ARHGAP31: variants seen among roughly 807,000 people sequenced by gnomAD.
ARHGAP31 encodes the protein Rho GTPase activating protein 31.
A neutral mutation model predicts 113.9 loss-of-function variants in ARHGAP31; 34 were observed. That is an observed-to-expected ratio of 0.30 (90% confidence interval 0.23 to 0.40). The LOEUF (loss-of-function observed/expected upper bound fraction) is 0.40. ARHGAP31 is among the 10% of genes least tolerant of loss of function. ARHGAP31 has a pLI of 1.00. For synonymous variants in ARHGAP31, 650 were observed against 684.8 expected (o/e 0.95, Z 0.79); for missense variants, 1,548 against 1,767.1 (o/e 0.88, Z 2.22).
intron 1 of ARHGAP31, among the ~76,000 whole-genome samples, chr3:119,355,066 A>G (rs2080143741): frequency 6.6e-6 from 1 of 151,960 alleles, no homozygotes; most frequent in Non-Finnish European, 1.5e-5. Flanking sequence ...CCTGTTGGGG[A>G]GTGTTTGAAC....
In ARHGAP31 at chr3:119,413,988, G is replaced by C. The variant is rs375062249; in HGVS notation, c.2059G>C (p.Glu687Gln). The change falls in exon 12 of 12, where the codon GAG (glutamate) becomes CAG (glutamine). Residue 687 changes from glutamate (E) to glutamine (Q), a missense_variant. Physicochemically the swap from Glu to Gln is conservative, Grantham distance 29. Coordinates refer to ENST00000264245, the MANE Select transcript of ARHGAP31 (RefSeq NM_020754.4). ...GACCAGCCCAATTCAGCCTATTCTC[G>C]AGTCGAGTCTGGGGCCCTTTATTCC... ...LKTSPIQPIL[E>Q]SSLGPFIPSE... 2.5e-6 allele frequency: 4 copies of C among 1,614,142 alleles called. No individual in the cohort carries two copies. Among genetic ancestry groups the C allele is most frequent in the Middle Eastern group, 1.7e-4 (1 of 6,060 alleles).
intron 1 of ARHGAP31, among the ~76,000 whole-genome samples, chr3:119,355,459 G>A (rs1375966947): frequency 6.7e-6 from 1 of 149,808 alleles, no homozygotes; most frequent in South Asian, 2.1e-4. Context: ...CATTTTGAGT[G>A]CTTCTGTTTT....
At chr3:119,306,654 G>A (rs1419914596) in intron 1 of ARHGAP31, among the ~76,000 whole-genome samples, 1 of 152,186 alleles carries the variant, frequency 6.6e-6, no homozygotes. Context: ...TAGTTTATAG[G>A]GCAGCAAGCT....
chr3:119,322,736 C>G (rs1021412766), intron 1 of ARHGAP31: 8 of 153,132 alleles, frequency 5.2e-5, no homozygotes, highest in African/African-American at 1.9e-4. Flanking sequence ...CGCTTCCCCT[C>G]GAGCGCCCCT....
At chr3:119,328,273 C>G (rs1056486638) in intron 1 of ARHGAP31, among the ~76,000 whole-genome samples, 5 of 152,250 alleles carry the variant, frequency 3.3e-5, no homozygotes, top group South Asian at 2.1e-4. Context: ...TCTAAGAAGA[C>G]AGTTCTGATG....
rs771567383 is a variant in ARHGAP31, at chr3:119,415,388, C to A, written c.3459C>A (p.Asp1153Glu). Residue 1153 changes from aspartate (D) to glutamate (E), a missense_variant, in exon 12 of 12, where the codon GAC becomes GAA. Physicochemically the swap from Asp to Glu is conservative, Grantham distance 45 (BLOSUM62 2). Coordinates refer to ENST00000264245, the MANE Select transcript of ARHGAP31 (RefSeq NM_020754.4). ...TWMTSSYCKA[D>E]PWRVYSQDPQ... ...TGACCTCATCTTACTGTAAAGCAGACCCCTGGAGGGTTTACTCCCAGGACC... is the reference window on the plus strand; with the variant it reads ...TGACCTCATCTTACTGTAAAGCAGAACCCTGGAGGGTTTACTCCCAGGACC... The A allele has an allele frequency of 6.2e-7, 1 of 1,614,010 alleles. No individual in the cohort carries two copies. Among genetic ancestry groups the A allele is most frequent in the East Asian group, 2.2e-5 (1 of 44,870 alleles).
At chr3:119,337,050 C>T (rs1007391424) in intron 1 of ARHGAP31, among the ~76,000 whole-genome samples, 2 of 152,184 alleles carry the variant, frequency 1.3e-5, no homozygotes, top group Non-Finnish European at 2.9e-5. Flanking sequence ...ATCCATTCAT[C>T]AGTTGATGGA....
intron 1 of ARHGAP31, among the ~76,000 whole-genome samples, chr3:119,300,198 A>G (rs914200437): frequency 1.3e-5 from 2 of 152,216 alleles, no homozygotes; most frequent in Non-Finnish European, 2.9e-5. Flanking sequence ...AATAAGATTG[A>G]TACGAAAATA....
At chr3:119,400,893 G>A (rs943373069) in intron 9 of ARHGAP31, among the ~76,000 whole-genome samples, 34 of 152,238 alleles carry the variant, frequency 2.2e-4, no homozygotes, top group African/African-American at 7.5e-4. Flanking sequence ...AACTTGGTCT[G>A]GGCATAGTGG....
At chr3:119,357,827 G>C (rs1405435716) in intron 1 of ARHGAP31, among the ~76,000 whole-genome samples, 1 of 152,116 alleles carries the variant, frequency 6.6e-6, no homozygotes, top group South Asian at 2.1e-4. Flanking sequence ...TGCTGCTTTG[G>C]ATTTATATGT....
At chr3:119,303,828 A>AGTGTC (rs1425650157) in intron 1 of ARHGAP31, among the ~76,000 whole-genome samples, 1 of 151,318 alleles carries the variant, frequency 6.6e-6, no homozygotes, top group Non-Finnish European at 1.5e-5. Context: ...GGGGTCTCGC[A>AGTGTC]GTGTCGCCCG....
intron 1 of ARHGAP31, among the ~76,000 whole-genome samples, chr3:119,317,420 G>T (rs2079744340): frequency 6.6e-6 from 1 of 152,008 alleles, no homozygotes; most frequent in South Asian, 2.1e-4. Flanking sequence ...CCTCATGATT[G>T]CCCACCTTGG....
intron 5 of ARHGAP31, 90 bp downstream of exon 5, chr3:119,382,489 C>A: frequency 2.3e-6 from 3 of 1,277,304 alleles, no homozygotes; most frequent in Non-Finnish European, 3.3e-6. Flanking sequence ...AAATTGAAGC[C>A]CCTTTAAAAC....
At chr3:119,384,077 A>T (rs2080426971) in intron 6 of ARHGAP31, among the ~76,000 whole-genome samples, 1 of 152,218 alleles carries the variant, frequency 6.6e-6, no homozygotes, top group African/African-American at 2.4e-5. Flanking sequence ...TCACTGGTGC[A>T]TAAAAAACCA....
intron 7 of ARHGAP31, among the ~76,000 whole-genome samples, chr3:119,393,071 C>T (rs1208580608): frequency 1.3e-5 from 2 of 152,152 alleles, no homozygotes; most frequent in Non-Finnish European, 2.9e-5. Flanking sequence ...GTGAGACCCC[C>T]ATCTCTATAA....
At chr3:119,325,717 G>A (rs1376408337) in intron 1 of ARHGAP31, among the ~76,000 whole-genome samples, 1 of 152,184 alleles carries the variant, frequency 6.6e-6, no homozygotes, top group African/African-American at 2.4e-5. Flanking sequence ...TGACAGCTAG[G>A]GCAAAACAGT....
At chr3:119,354,846 CTATATT>C (rs142713740) in intron 1 of ARHGAP31, among the ~76,000 whole-genome samples, 2,603 of 151,318 alleles carry the variant, frequency 0.017, 78 homozygotes, top group African/African-American at 0.059. Flanking sequence ...ATTCTGTACT[CTATATT>C]TATATATAAT....
At chr3:119,390,475 C>T (rs900302807) in intron 6 of ARHGAP31, among the ~76,000 whole-genome samples, 4 of 152,184 alleles carry the variant, frequency 2.6e-5, no homozygotes, top group African/African-American at 9.7e-5. Flanking sequence ...CACTCTGGCT[C>T]ACAGTGAGTG....
At chr3:119,313,877 G>A (rs1004183055) in intron 1 of ARHGAP31, among the ~76,000 whole-genome samples, 21 of 152,210 alleles carry the variant, frequency 1.4e-4, no homozygotes, top group African/African-American at 5.1e-4. Context: ...TCTTAAGGTA[G>A]GATCAGAAAA....
Sources: gnomAD v4.1 joint callset for allele counts (sites outside exome capture counted in the v4.1 genomes callset) on GRCh38, gnomAD v4.1.1 for gene constraint, MANE v1.5 for transcripts, NCBI Gene and HGNC (gene_info 2026-07-23, HGNC 2026-07-21) for gene names.